Variants in KCND2 observed in about 807,000 individuals in gnomAD.
KCND2 encodes A-type voltage-gated potassium channel KCND2.
KCND2 carries 16 observed loss-of-function variants against 54.4 expected under a neutral mutation model. That is an observed-to-expected ratio of 0.29 (90% CI 0.20 to 0.45). KCND2 has a LOEUF of 0.45. Ranked by LOEUF, KCND2 falls within the 20% of genes least tolerant of loss-of-function variation. The pLI is 1.00. For missense variants in KCND2, 486 were observed against 824.2 expected (o/e 0.59, Z 5.02); for synonymous variants, 317 against 310.7 (o/e 1.02, Z -0.21).
chr7:120,496,836 T>G (rs536957696), intron 1 of KCND2, among the ~76,000 whole-genome samples: 2 of 152,340 alleles, frequency 1.3e-5, no homozygotes, highest in Non-Finnish European at 2.9e-5. Flanking sequence ...ATTAGTTTTG[T>G]TTTACCTTTA....
chr7:120,592,798 T>G (rs1027826574), intron 1 of KCND2, among the ~76,000 whole-genome samples: 5 of 152,194 alleles, frequency 3.3e-5, no homozygotes, highest in Non-Finnish European at 7.3e-5. Context: ...AGGTTCATTT[T>G]TATCTAAAGA....
chr7:120,339,545 G>A (rs920581557), intron 1 of KCND2, among the ~76,000 whole-genome samples: 30 of 151,534 alleles, frequency 2.0e-4, no homozygotes, highest in African/African-American at 6.8e-4. Context: ...GTGTGTCTGC[G>A]TGTGTGTCCA....
chr7:120,534,059 T>C lies in KCND2; in HGVS notation c.1116-198844T>C, dbSNP rs537042441. 5.9e-5 allele frequency among the ~76,000 whole-genome samples: 9 copies of C among 151,426 alleles called. No homozygotes were observed. In the South Asian group the frequency reaches 1.9e-3, roughly 32 times the overall value. ...AAAATGGATATTAGGAATTTTTTTGTACAAATCTACACAGGGCATGTTTAA... is the reference window on the plus strand; with the variant it reads ...AAAATGGATATTAGGAATTTTTTTGCACAAATCTACACAGGGCATGTTTAA... On this transcript the variant is annotated intron_variant, in intron 1 of 5. Coordinates refer to ENST00000331113, the MANE Select transcript of KCND2 (RefSeq NM_012281.3).
In KCND2 at chr7:120,273,245, G is replaced by C. The variant is rs1415036802; in HGVS notation, c.-1388G>C. ...TCCTTATTTATTGATCGCACTAGCA[G>C]AGCAGCGCGGGGAGCCCGGGGAGAT... On this transcript the variant is annotated 5_prime_UTR_variant, in exon 1 of 6. Transcript: ENST00000331113. Among the ~76,000 whole-genome samples, 1 of 151,900 alleles carries C rather than the reference G, an allele frequency of 6.6e-6. No homozygotes were observed. The highest frequency in any genetic ancestry group is 1.5e-5 in the Non-Finnish European group (1 of 67,902).
intron 1 of KCND2, among the ~76,000 whole-genome samples, chr7:120,381,854 C>G (rs1334641672): frequency 6.6e-6 from 1 of 151,892 alleles, no homozygotes; most frequent in African/African-American, 2.4e-5. Flanking sequence ...TTTTCCCACT[C>G]AATTTTAAGA....
At chr7:120,460,387 C>T (rs1802266161) in intron 1 of KCND2, among the ~76,000 whole-genome samples, 1 of 152,136 alleles carries the variant, frequency 6.6e-6, no homozygotes, top group African/African-American at 2.4e-5. Flanking sequence ...TATCCAAACT[C>T]TTGTCAGCCT....
chr7:120,717,980 C>G (rs548543546), intron 1 of KCND2, among the ~76,000 whole-genome samples: 3 of 152,170 alleles, frequency 2.0e-5, no homozygotes, highest in African/African-American at 4.8e-5. Flanking sequence ...CCTTCTCCCC[C>G]CTGCACCAAT....
chr7:120,450,504 C>T (rs1802086716), intron 1 of KCND2, among the ~76,000 whole-genome samples: 1 of 152,108 alleles, frequency 6.6e-6, no homozygotes, highest in Non-Finnish European at 1.5e-5. Flanking sequence ...GGAAAACTAG[C>T]AGAGAAGGAG....
At chr7:120,587,530 A>T (rs1792614919) in intron 1 of KCND2, among the ~76,000 whole-genome samples, 1 of 150,502 alleles carries the variant, frequency 6.6e-6, no homozygotes, top group African/African-American at 2.4e-5. Flanking sequence ...GACTTACAGG[A>T]TTTTTTTTTT....
intron 1 of KCND2, among the ~76,000 whole-genome samples, chr7:120,655,341 G>A (rs1333182376): frequency 6.6e-6 from 1 of 151,978 alleles, no homozygotes; most frequent in African/African-American, 2.4e-5. Context: ...GAATGTTTGA[G>A]CTACAGGACC....
At chr7:120,645,199 C>A (rs544475688) in intron 1 of KCND2, among the ~76,000 whole-genome samples, 1 of 152,298 alleles carries the variant, frequency 6.6e-6, no homozygotes, top group East Asian at 1.9e-4. Flanking sequence ...TAAAAGCCTG[C>A]GTATAAGCCG....
chr7:120,524,846 T>G (rs1303260808), intron 1 of KCND2, among the ~76,000 whole-genome samples: 1 of 152,158 alleles, frequency 6.6e-6, no homozygotes, highest in Non-Finnish European at 1.5e-5. Flanking sequence ...AAAGGAAAAT[T>G]AATAAAATCT....
In KCND2 at chr7:120,670,121, C is replaced by T. The variant is rs148228731; in HGVS notation, c.1116-62782C>T. Among the ~76,000 whole-genome samples the T allele has an allele frequency of 2.4e-3, 371 of 151,884 alleles. 1 individual carries two copies. Among genetic ancestry groups the T allele is most frequent in the African/African-American group, 8.2e-3 (342 of 41,460 alleles). On this transcript the variant is annotated intron_variant, in intron 1 of 5. Transcript: ENST00000331113. ...ACCAGTAAAGAACTTTTCCATGTAA[C>T]CAAAAACCACCTGTATACCAAAAAT...
chr7:120,406,853 G>A (rs6959247), intron 1 of KCND2, among the ~76,000 whole-genome samples: 1,768 of 152,018 alleles, frequency 0.012, 19 homozygotes, highest in African/African-American at 0.038. Flanking sequence ...GTATAGAGTA[G>A]AAAAACTAGA....
intron 1 of KCND2, among the ~76,000 whole-genome samples, chr7:120,494,974 A>G (rs969782076): frequency 7.2e-5 from 11 of 152,208 alleles, no homozygotes; most frequent in African/African-American, 2.7e-4. Flanking sequence ...ACCAGAGGAC[A>G]TAAATAGCCA....
intron 1 of KCND2, among the ~76,000 whole-genome samples, chr7:120,709,177 T>C (rs1221905421): frequency 6.6e-6 from 1 of 152,118 alleles, no homozygotes; most frequent in Non-Finnish European, 1.5e-5. Context: ...TATAAATCTT[T>C]TTTCCTTTCT....
Position 120,324,910 on chromosome 7 carries a change from T to C in KCND2, c.1115+49163T>C, listed in dbSNP as rs1284209081. 7.7e-3 allele frequency among the ~76,000 whole-genome samples: 1,047 copies of C among 136,352 alleles called. 9 individuals carry two copies. Among genetic ancestry groups the C allele is most frequent in the African/African-American group, 0.026 (979 of 37,496 alleles). 89.5% of individuals were successfully genotyped at this position (136,352 alleles called of 152,430 possible). Reference sequence around the variant, plus strand: ...TTGGGCAGTATGGCCATTTTCACGATATTGATTCTTCCTACCCATGAGCAT... The same window carrying C: ...TTGGGCAGTATGGCCATTTTCACGACATTGATTCTTCCTACCCATGAGCAT... On this transcript the variant is annotated intron_variant, in intron 1 of 5. Transcript: ENST00000331113.
At chr7:120,450,178 C>T (rs973041676) in intron 1 of KCND2, among the ~76,000 whole-genome samples, 11 of 152,024 alleles carry the variant, frequency 7.2e-5, no homozygotes, top group Middle Eastern at 3.2e-3. Context: ...TTTTTGAGGC[C>T]GAGGCGGGTG....
chr7:120,548,978 G>A (rs1312152175), intron 1 of KCND2, among the ~76,000 whole-genome samples: 2 of 152,020 alleles, frequency 1.3e-5, no homozygotes, highest in African/African-American at 2.4e-5. Context: ...GCCTGTTTCT[G>A]TTTGGCTCTA....
Sources: gnomAD v4.1 joint callset for allele counts (sites outside exome capture counted in the v4.1 genomes callset) on GRCh38, gnomAD v4.1.1 for gene constraint, MANE v1.5 for transcripts, NCBI Gene and HGNC (gene_info 2026-07-23, HGNC 2026-07-21) for gene names.